CCNH: variants seen among roughly 807,000 people sequenced by gnomAD.
CCNH encodes cyclin H, also known as cyclin-H.
Under a neutral mutation model 41.9 loss-of-function variants are expected in CCNH, and 31 were observed. The ratio of observed to expected loss-of-function variants is 0.74; its 90% confidence interval spans 0.56 to 1.00. The LOEUF (loss-of-function observed/expected upper bound fraction) is 1.00. Ranked by LOEUF, CCNH falls within the 50% of genes least tolerant of loss-of-function variation. The pLI is 0.00. For synonymous variants in CCNH, 138 were observed against 136.1 expected (o/e 1.01, Z -0.10); for missense variants, 362 against 388.4 (o/e 0.93, Z 0.57).
downstream of CCNH, chr5:87,372,064 T>A: frequency 6.5e-7 from 1 of 1,527,982 alleles, no homozygotes. Context: ...ACTGATGATT[T>A]GGAAGCCAAA....
Position 87,409,383 on chromosome 5 carries a change from TATC to T in CCNH, c.241-23_241-21del. 7.6e-7 allele frequency: 1 copy of T among 1,323,832 alleles called. No homozygotes were observed. The allele number at this position is 1,323,832 out of a possible 1,614,324, so 82.0% of individuals were successfully genotyped here. ...CGTACCCTAAGGGTTAAAAAAAATA[TATC>T]ATCAGGATCTAGTCACAAATGTTAA... On this transcript the variant is annotated intron_variant, in intron 2 of 8. Transcript: ENST00000256897.
chr5:87,325,355 A>T (rs977692524), intron 9 of CCNH, among the ~76,000 whole-genome samples: 1 of 152,246 alleles, frequency 6.6e-6, no homozygotes, highest in Non-Finnish European at 1.5e-5. Flanking sequence ...CAGCCAAACC[A>T]TATCACAGAC....
downstream of CCNH, among the ~76,000 whole-genome samples, chr5:87,387,963 A>C (rs1235158055): frequency 6.6e-6 from 1 of 152,174 alleles, no homozygotes; most frequent in African/African-American, 2.4e-5. Context: ...TCCAAATATA[A>C]TACTACCATA....
chr5:87,411,898 A>C (rs1764274403), intron 1 of CCNH, among the ~76,000 whole-genome samples: 1 of 152,188 alleles, frequency 6.6e-6, no homozygotes, highest in South Asian at 2.1e-4. Context: ...CAGTATCGGT[A>C]ATTTGGAGGC....
downstream of CCNH, among the ~76,000 whole-genome samples, chr5:87,390,472 CT>C (rs763324769): frequency 1.5e-4 from 22 of 151,598 alleles, no homozygotes; most frequent in Non-Finnish European, 2.8e-4. Flanking sequence ...CTTGACTTGC[CT>C]TAGATATTAA....
chr5:87,349,553 A>G (rs1044477355), intron 9 of CCNH, among the ~76,000 whole-genome samples: 1 of 151,948 alleles, frequency 6.6e-6, no homozygotes, highest in African/African-American at 2.4e-5. Flanking sequence ...ACAAATTAGT[A>G]ACTTATACTT....
upstream of CCNH, chr5:87,380,462 T>G: frequency 6.7e-7 from 1 of 1,486,442 alleles, no homozygotes; most frequent in Non-Finnish European, 9.4e-7. Context: ...AGGAGATCAG[T>G]GTTTTCACTT....
chr5:87,388,660 CTGAT>C (rs1762236609), downstream of CCNH, among the ~76,000 whole-genome samples: 1 of 152,182 alleles, frequency 6.6e-6, no homozygotes, highest in Non-Finnish European at 1.5e-5. Context: ...ATAATTAACA[CTGAT>C]TATTCCCACA....
Position 87,385,303 on chromosome 5 carries a change from T to G in CCNH, c.*90+7467A>C, listed in dbSNP as rs775945854. 1.9e-6 allele frequency: 3 copies of G among 1,601,630 alleles called. No individual in the cohort carries two copies. The Admixed American group carries it at 5.0e-5, about 27-fold the overall frequency. ...AGCTGTGCCCAATTCTGTTACAGAT[T>G]CTCCATCTCCTATTGCTGCAAGAAC... On this transcript the variant is annotated intron_variant and NMD_transcript_variant, in intron 9 of 9. Transcript: ENST00000645953.
At chr5:87,341,464 A>G (rs887607606) in intron 9 of CCNH, 9 of 436,488 alleles carry the variant, frequency 2.1e-5, no homozygotes, top group African/African-American at 8.2e-5. Context: ...TGATTTCTAA[A>G]TATTTTCTTA....
upstream of CCNH, chr5:87,378,649 C>A: frequency 2.5e-6 from 3 of 1,181,420 alleles, no homozygotes; most frequent in South Asian, 1.4e-5. Context: ...TAAAATTATT[C>A]CTCATAGCAG....
exon 1 of CCNH, chr5:87,376,657 C>T: frequency 5.5e-6 from 8 of 1,455,308 alleles, no homozygotes; most frequent in East Asian, 2.4e-5. Context: ...CATAGTAATT[C>T]ATAGCTTAGT....
intron 9 of CCNH, among the ~76,000 whole-genome samples, chr5:87,383,087 C>G (rs1203163245): frequency 2.0e-5 from 3 of 152,012 alleles, no homozygotes; most frequent in Non-Finnish European, 4.4e-5. Flanking sequence ...GAACAAAACC[C>G]TATCTCAAAG....
At chr5:87,385,105 T>C (rs890771949) in intron 9 of CCNH, among the ~76,000 whole-genome samples, 1 of 152,170 alleles carries the variant, frequency 6.6e-6, no homozygotes, top group Non-Finnish European at 1.5e-5. Flanking sequence ...ACTTTTTCTC[T>C]TTTAATTCAA....
intron 9 of CCNH, chr5:87,363,202 AT>A: frequency 1.3e-6 from 1 of 755,886 alleles, no homozygotes; most frequent in Non-Finnish European, 2.1e-6. Flanking sequence ...TGTTATAGGC[AT>A]TTTCTCATTA....
At chr5:87,407,925 A>G in intron 4 of CCNH, 51 bp downstream of exon 4, 1 of 1,355,858 alleles carries the variant, frequency 7.4e-7, no homozygotes, top group South Asian at 1.2e-5. Flanking sequence ...TTCTTTTGTT[A>G]AAGAATAGGA....
chr5:87,356,860 TA>T (rs1759689415), intron 9 of CCNH, among the ~76,000 whole-genome samples: 1 of 152,180 alleles, frequency 6.6e-6, no homozygotes, highest in Non-Finnish European at 1.5e-5. Context: ...ACCTCCAAGG[TA>T]TGCCTATATT....
chr5:87,394,796 T>C (rs1358971188), intron 8 of CCNH: 1 of 1,342,108 alleles, frequency 7.5e-7, no homozygotes, highest in East Asian at 2.8e-5. Flanking sequence ...AAAGCAAAAA[T>C]GTAGTATGTA....
intron 1 of CCNH, among the ~76,000 whole-genome samples, chr5:87,412,084 T>G (rs908834551): frequency 1.3e-5 from 2 of 152,196 alleles, no homozygotes; most frequent in Non-Finnish European, 2.9e-5. Context: ...GCTAGAGCGC[T>G]GTTTCCAGAA....
Sources: allele counts gnomAD v4.1 joint callset (sites outside exome capture counted in the v4.1 genomes callset), GRCh38; gene constraint gnomAD v4.1.1; transcripts MANE v1.5; gene names NCBI Gene and HGNC (gene_info 2026-07-23, HGNC 2026-07-21).